SLCO1A2: variants seen among roughly 807,000 people sequenced by gnomAD.
The protein encoded by SLCO1A2 is solute carrier organic anion transporter family member 1A2, also known as OATP-1.
SLCO1A2 carries 67 observed loss-of-function variants against 69.0 expected under a neutral mutation model. That is an observed-to-expected ratio of 0.97 (90% CI 0.80 to 1.19). The LOEUF (loss-of-function observed/expected upper bound fraction) is 1.19. SLCO1A2 is among the 50% of genes most tolerant of loss of function. SLCO1A2 has a pLI of 0.00. For missense variants in SLCO1A2, 787 were observed against 793.7 expected (o/e 0.99, Z 0.10); for synonymous variants, 260 against 265.9 (o/e 0.98, Z 0.22).
chr12:21,408,902 ACTGGTAGAATAAAACTTTTTAAAGG>A lies in SLCO1A2; in HGVS notation c.-312+8955_-312+8979del, dbSNP rs563369873. 2.4e-3 allele frequency among the ~76,000 whole-genome samples: 362 copies of A among 152,282 alleles called. 4 individuals carry two copies. The highest frequency in any genetic ancestry group is 0.022 in the Admixed American group (333 of 15,290). On this transcript the variant is annotated intron_variant, in intron 1 of 4. Transcript: ENST00000413682. ...GCTCTTCTAAAACAACTTCCAAATA[ACTGGTAGAATAAAACTTTTTAAAGG>A]CTGGTAGAATAAAACTTTCAAATTG...
chr12:21,276,890 A>G (rs1943959746), intron 12 of SLCO1A2, among the ~76,000 whole-genome samples: 1 of 152,260 alleles, frequency 6.6e-6, no homozygotes, highest in African/African-American at 2.4e-5. Context: ...CCCCACAGTT[A>G]GAACTTGAGT....
chr12:21,401,041 A>G (rs1941683959), intron 1 of SLCO1A2, among the ~76,000 whole-genome samples: 1 of 145,906 alleles, frequency 6.9e-6, no homozygotes, highest in Non-Finnish European at 1.5e-5. Flanking sequence ...AAAAAAAAAG[A>G]CAAAAAAAAA....
chr12:21,310,604 G>A (rs1949997322), intron 4 of SLCO1A2, among the ~76,000 whole-genome samples: 1 of 152,138 alleles, frequency 6.6e-6, no homozygotes, highest in African/African-American at 2.4e-5. Flanking sequence ...CTGTTGTGTT[G>A]TTGTTGTTTG....
At chr12:21,370,162 T>C (rs1051653742) in intron 2 of SLCO1A2, among the ~76,000 whole-genome samples, 7 of 152,306 alleles carry the variant, frequency 4.6e-5, no homozygotes, top group Admixed American at 4.6e-4. Flanking sequence ...AGTAGCTCTG[T>C]AACCTTAAGC....
intron 2 of SLCO1A2, among the ~76,000 whole-genome samples, chr12:21,323,681 T>C (rs1487520234): frequency 6.6e-6 from 1 of 152,244 alleles, no homozygotes; most frequent in African/African-American, 2.4e-5. Flanking sequence ...AAGGTATCTT[T>C]ATCCTCTCAG....
chr12:21,370,014 A>T (rs1026193961), intron 2 of SLCO1A2, among the ~76,000 whole-genome samples: 6 of 152,228 alleles, frequency 3.9e-5, no homozygotes, highest in Non-Finnish European at 7.3e-5. Context: ...TAACAAAATC[A>T]TTCAAGGTGT....
chr12:21,283,545 T>A (rs767410734), intron 12 of SLCO1A2, among the ~76,000 whole-genome samples: 45 of 149,894 alleles, frequency 3.0e-4, no homozygotes, highest in Admixed American at 2.0e-4. Context: ...CAGGCACAGA[T>A]AACTAATGAA....
At chr12:21,413,329 C>T (rs1361085632) in intron 1 of SLCO1A2, among the ~76,000 whole-genome samples, 2 of 149,132 alleles carry the variant, frequency 1.3e-5, no homozygotes, top group Admixed American at 6.8e-5. Flanking sequence ...ACCTCCACCT[C>T]CTCCTGGGTT....
At chr12:21,383,340 G>A (rs181719226) in intron 1 of SLCO1A2, among the ~76,000 whole-genome samples, 1 of 152,204 alleles carries the variant, frequency 6.6e-6, no homozygotes, top group African/African-American at 2.4e-5. Flanking sequence ...TGCCGACTAA[G>A]TAGACCCACA....
chr12:21,368,291 G>T (rs2137075383), intron 2 of SLCO1A2, among the ~76,000 whole-genome samples: 1 of 152,218 alleles, frequency 6.6e-6, no homozygotes, highest in East Asian at 1.9e-4. Flanking sequence ...CGTGTTAAAT[G>T]ATACCACACG....
At chr12:21,318,250 C>G (rs923693616) in intron 3 of SLCO1A2, among the ~76,000 whole-genome samples, 1 of 151,974 alleles carries the variant, frequency 6.6e-6, no homozygotes, top group Non-Finnish European at 1.5e-5. Context: ...TCCCAAGTAG[C>G]TGGGACTACA....
rs780785818 is a variant in SLCO1A2 at position 21,275,364 on chromosome 12, T to C, written c.1671A>G (p.Val557=). The C allele has an allele frequency of 6.4e-7, 1 of 1,560,010 alleles. No homozygotes were observed. The change falls in exon 13 of 15, where the codon GTA becomes GTG. Residue 557 remains valine (V), a synonymous_variant. Coordinates refer to ENST00000683939, the MANE Select transcript of SLCO1A2 (RefSeq NM_001386879.1). ...GGAAAAAATAACTATTTTTACCAAA[T>C]ACTCTTGTGCAAAATGTATGTAATC... ...GVGLHTFCTR[V]FAGIPAPIYF...
chr12:21,348,918 C>G (rs932741429), intron 2 of SLCO1A2, among the ~76,000 whole-genome samples: 1 of 152,092 alleles, frequency 6.6e-6, no homozygotes, highest in Non-Finnish European at 1.5e-5. Context: ...CTACGGCCTT[C>G]GGGTGGTAAT....
At chr12:21,357,173 C>A (rs1190731344) in intron 2 of SLCO1A2, among the ~76,000 whole-genome samples, 1 of 152,118 alleles carries the variant, frequency 6.6e-6, no homozygotes, top group African/African-American at 2.4e-5. Flanking sequence ...CAGAATGAAA[C>A]CACATTTGTA....
chr12:21,410,962 C>A (rs1941898152), intron 1 of SLCO1A2, among the ~76,000 whole-genome samples: 1 of 151,998 alleles, frequency 6.6e-6, no homozygotes, highest in African/African-American at 2.4e-5. Context: ...AGTAAAGATT[C>A]TTTGTGTATT....
rs1947913440 is a variant in SLCO1A2, at chr12:21,297,509, C to A, written c.970G>T (p.Val324Leu). 1.2e-6 allele frequency: 2 copies of A among 1,602,808 alleles called. No individual in the cohort carries two copies. Among genetic ancestry groups the A allele is most frequent in the Non-Finnish European group, 1.7e-6 (2 of 1,172,494 alleles). ...CNPIYMLFIL[V>L]SVIQFNAFVN... ...AATGCATTGAACTGTATCACACTTACAAGTATGAAAAGCATATAAATTGGA... is the reference window on the plus strand; with the variant it reads ...AATGCATTGAACTGTATCACACTTAAAAGTATGAAAAGCATATAAATTGGA... Residue 324 changes from valine to leucine, a missense_variant, in exon 9 of 15, where the codon GTA (valine) becomes TTA (leucine). Physicochemically the swap from Val to Leu is conservative, Grantham distance 32 (BLOSUM62 1). Coordinates refer to ENST00000683939, the MANE Select transcript of SLCO1A2 (RefSeq NM_001386879.1).
chr12:21,335,850 A>G (rs1017516137), upstream of SLCO1A2, among the ~76,000 whole-genome samples: 5 of 152,132 alleles, frequency 3.3e-5, no homozygotes, highest in Non-Finnish European at 5.9e-5. Context: ...TCATGGTGCT[A>G]CGCACCAGCA....
At position 21,267,098 on chromosome 12, in the gene SLCO1A2, AAC is replaced by A. The variant is rs1468323167; in HGVS notation, c.*2448_*2449del. The A allele has an allele frequency of 6.6e-6, 1 of 152,118 alleles. No individual in the cohort carries two copies. The highest frequency in any genetic ancestry group is 2.4e-5 in the African/African-American group (1 of 41,404). 9.4% of individuals were successfully genotyped at this position (152,118 alleles called of 1,614,324 possible). ...TAAACTCCCAGGCTTCATGTATACC[AAC>A]AAAAGAGGTCATGAGGGATCCCAAA... On this transcript the variant is annotated 3_prime_UTR_variant, in exon 15 of 15. Transcript: ENST00000683939.
chr12:21,319,277 T>C, intron 2 of SLCO1A2: 4 of 1,195,676 alleles, frequency 3.3e-6, no homozygotes, highest in Admixed American at 1.9e-5. Context: ...ACATGTACTG[T>C]AATGAAAAGA....
Sources: allele counts gnomAD v4.1 joint callset (sites outside exome capture counted in the v4.1 genomes callset), GRCh38; gene constraint gnomAD v4.1.1; transcripts MANE v1.5; gene names NCBI Gene and HGNC (gene_info 2026-07-23, HGNC 2026-07-21).